KIAA0513: variants seen among roughly 807,000 people sequenced by gnomAD.
KIAA0513 encodes the protein uncharacterized protein KIAA0513.
A neutral mutation model predicts 56.5 loss-of-function variants in KIAA0513; 39 were observed. The observed-to-expected ratio is 0.69, with a 90% CI of 0.53 to 0.90. The LOEUF (loss-of-function observed/expected upper bound fraction) is 0.90, where lower values mean the gene tolerates loss of function less well. KIAA0513 is among the 40% of genes least tolerant of loss of function. The pLI, the probability that KIAA0513 is intolerant of heterozygous loss-of-function variation, is 0.00. For synonymous variants in KIAA0513, 268 were observed against 215.6 expected, an observed-to-expected ratio of 1.24 and a Z score of -2.13; for missense variants, 591 against 535.2, an observed-to-expected ratio of 1.10 and a Z score of -1.03.
chr16:85,082,520 CTT>C, intron 9 of KIAA0513, 42 bp from the exon 10 acceptor site: 1 of 1,606,932 alleles, frequency 6.2e-7, no homozygotes, highest in Non-Finnish European at 8.5e-7. Flanking sequence ...TCTTGCATGA[CTT>C]TGACATGTTC....
At chr16:85,072,754 C>T (rs891299188) in intron 3 of KIAA0513, among the ~76,000 whole-genome samples, 171 bp from the exon 4 acceptor site, 1 of 152,182 alleles carries the variant, frequency 6.6e-6, no homozygotes, top group Non-Finnish European at 1.5e-5. Context: ...TGGCTACACT[C>T]TGCCCGGGTC....
chr16:85,031,199 G>A (rs1380798554), intron 1 of KIAA0513, among the ~76,000 whole-genome samples: 1 of 152,196 alleles, frequency 6.6e-6, no homozygotes, highest in Non-Finnish European at 1.5e-5. Context: ...ACTTGGCCTT[G>A]GCTGGGTGTG....
intron 1 of KIAA0513, among the ~76,000 whole-genome samples, chr16:85,056,335 C>G (rs531747456): frequency 6.6e-6 from 1 of 152,244 alleles, no homozygotes; most frequent in Non-Finnish European, 1.5e-5. Flanking sequence ...CATGAGAAGT[C>G]TTTCAAACGC....
intron 12 of KIAA0513, among the ~76,000 whole-genome samples, chr16:85,088,046 G>A (rs1419336474): frequency 6.6e-6 from 1 of 152,258 alleles, no homozygotes; most frequent in Non-Finnish European, 1.5e-5. Context: ...CCACCTGCTT[G>A]CCCCACAGGC....
At chr16:85,055,813 C>T (rs954801805) in intron 1 of KIAA0513, among the ~76,000 whole-genome samples, 1 of 152,188 alleles carries the variant, frequency 6.6e-6, no homozygotes, top group East Asian at 1.9e-4. Context: ...CAGAGAGTTC[C>T]TCTGTAAAGC....
At chr16:85,079,194 T>C (rs1164305972) in intron 8 of KIAA0513, 191 bp downstream of exon 8, 1 of 1,237,568 alleles carries the variant, frequency 8.1e-7, no homozygotes, top group Non-Finnish European at 1.1e-6. Flanking sequence ...CTCTCCTGTA[T>C]GGCTAGGAGC....
chr16:85,045,983 C>T (rs1194561603), intron 1 of KIAA0513, among the ~76,000 whole-genome samples: 2 of 152,258 alleles, frequency 1.3e-5, no homozygotes, highest in Non-Finnish European at 2.9e-5. Flanking sequence ...GACGACCACC[C>T]GAGGAAGGAT....
intron 1 of KIAA0513, among the ~76,000 whole-genome samples, chr16:85,040,429 C>T (rs934886852): frequency 6.6e-6 from 1 of 152,084 alleles, no homozygotes; most frequent in Non-Finnish European, 1.5e-5. Flanking sequence ...ACTCGGGAGG[C>T]TGAGGTAGGA....
At chr16:85,070,662 A>G (rs1412830175) in intron 2 of KIAA0513, among the ~76,000 whole-genome samples, 1 of 152,258 alleles carries the variant, frequency 6.6e-6, no homozygotes, top group Non-Finnish European at 1.5e-5. Context: ...TGCGCAAGAC[A>G]GAGCGAGACT....
chr16:85,078,549 C>A, intron 7 of KIAA0513, 94 bp downstream of exon 7: 1 of 1,237,374 alleles, frequency 8.1e-7, no homozygotes, highest in Non-Finnish European at 1.2e-6. Flanking sequence ...TTTCCTGCCT[C>A]CACGGAGCAT....
intron 1 of KIAA0513, among the ~76,000 whole-genome samples, chr16:85,065,951 C>T (rs1179295333): frequency 1.3e-5 from 2 of 152,226 alleles, no homozygotes; most frequent in Admixed American, 1.3e-4. Context: ...TCTGTTCCTT[C>T]GTTCAGCAAG....
At position 85,088,486 on chromosome 16, in the gene KIAA0513, C is replaced by A; in HGVS notation, c.*161C>A. ...GCGGTTAGAAGAATCCGCTGTTCCTCCCTCATCTCCTCTGCCTGTGTCTGC... is the reference window on the plus strand; with the variant it reads ...GCGGTTAGAAGAATCCGCTGTTCCTACCTCATCTCCTCTGCCTGTGTCTGC... On this transcript the variant is annotated 3_prime_UTR_variant, in exon 13 of 13. Transcript: ENST00000683363. 1.6e-6 allele frequency: 1 copy of A among 622,360 alleles called. No homozygotes were observed. The highest frequency in any genetic ancestry group is 2.8e-5 in the East Asian group (1 of 36,198). The allele number at this position is 622,360 out of a possible 1,614,324, so 38.6% of individuals were successfully genotyped here.
rs1319705548 is a variant in KIAA0513, at chr16:85,091,683, C to G, written c.*3358C>G. ...CAAACAGGCCTCTCGCTCACTCCTC[C>G]CAGCCCAGTAATGCTGAGGAGTTCA... On this transcript the variant is annotated 3_prime_UTR_variant, in exon 13 of 13. Transcript: ENST00000683363. The G allele has an allele frequency of 1.3e-5, 2 of 152,186 alleles. No homozygotes were observed. Among genetic ancestry groups the G allele is most frequent in the Non-Finnish European group, 2.9e-5 (2 of 68,034 alleles). The allele number at this position is 152,186 out of a possible 1,614,324, so 9.4% of individuals were successfully genotyped here. A position where few individuals can be genotyped will look rare whatever the true frequency, so the allele number is the denominator to read the frequency against.
At chr16:85,066,007 C>G (rs1396305177) in intron 1 of KIAA0513, among the ~76,000 whole-genome samples, 1 of 152,228 alleles carries the variant, frequency 6.6e-6, no homozygotes, top group Non-Finnish European at 1.5e-5. Context: ...CTGGGCACAG[C>G]ATGGCTACGG....
At chr16:85,056,120 G>A (rs773184100) in intron 1 of KIAA0513, among the ~76,000 whole-genome samples, 8 of 152,268 alleles carry the variant, frequency 5.3e-5, no homozygotes, top group African/African-American at 9.6e-5. Flanking sequence ...TGAGAAGCAC[G>A]TGCCAGCAGG....
chr16:85,028,484 G>A (rs2072919421), intron 1 of KIAA0513, among the ~76,000 whole-genome samples: 1 of 152,160 alleles, frequency 6.6e-6, no homozygotes, highest in Admixed American at 6.5e-5. Flanking sequence ...CAAAGGGGAG[G>A]ATTGCAGGGA....
intron 1 of KIAA0513, among the ~76,000 whole-genome samples, chr16:85,064,639 G>A (rs542863130): frequency 3.2e-4 from 49 of 152,280 alleles, no homozygotes; most frequent in South Asian, 2.5e-3. Context: ...TATTTATATC[G>A]TGGTTATTAG....
Position 85,072,993 on chromosome 16 carries a change from G to T in KIAA0513, c.498G>T (p.Leu166=). ...YRLVQSFAVV[L]FECHQMDDFG... is the part of the protein sequence containing the mutation. ...TGGTGCAGTCTTTTGCAGTGGTGCT[G>T]TTCGAGTAAGTAATGCCGTGGCACA... Residue 166 remains leucine (L), a synonymous_variant, in exon 4 of 13, where the codon CTG becomes CTT. Transcript: ENST00000683363. The T allele has an allele frequency of 6.2e-7, 1 of 1,613,664 alleles. No homozygotes were observed. Among genetic ancestry groups the T allele is most frequent in the Non-Finnish European group, 8.5e-7 (1 of 1,179,638 alleles).
In KIAA0513 at chr16:85,046,564, A is replaced by G. The variant is rs190959080; in HGVS notation, c.-173+18706A>G. ...AGAATCCCTTCCCTTCTACAGATGG[A>G]CGGCCCGTCTGTAGGCTGGTGCCAT... On this transcript the variant is annotated intron_variant, in intron 1 of 12. Transcript: ENST00000683363. Among the ~76,000 whole-genome samples the G allele has an allele frequency of 3.5e-3, 528 of 152,260 alleles. 2 individuals carry two copies. The highest frequency in any genetic ancestry group is 0.012 in the African/African-American group (503 of 41,546).
Sources: allele counts gnomAD v4.1 joint callset (sites outside exome capture counted in the v4.1 genomes callset), GRCh38; gene constraint gnomAD v4.1.1; transcripts MANE v1.5; gene names NCBI Gene and HGNC (gene_info 2026-07-23, HGNC 2026-07-21).